The following THEMIS variants were observed in gnomAD, a reference collection of about 807,000 sequenced individuals.
THEMIS encodes protein THEMIS.
Under a neutral mutation model 52.6 loss-of-function variants are expected in THEMIS, and 37 were observed. The ratio of observed to expected loss-of-function variants is 0.70; its 90% CI spans 0.54 to 0.93. The LOEUF (loss-of-function observed/expected upper bound fraction) is 0.93. Ranked by LOEUF, THEMIS falls within the 40% of genes least tolerant of loss-of-function variation. The probability of loss-of-function intolerance (pLI) is 0.00; values close to 1 mark genes in which losing one functional copy is unlikely to be tolerated. For missense variants in THEMIS, 808 were observed against 763.1 expected (o/e 1.06, Z -0.69); for synonymous variants, 292 against 272.7 (o/e 1.07, Z -0.70).
At chr6:127,805,247 T>G (rs993830438) in intron 4 of THEMIS, among the ~76,000 whole-genome samples, 3 of 152,108 alleles carry the variant, frequency 2.0e-5, no homozygotes, top group African/African-American at 7.2e-5. Context: ...GCATTAGAGA[T>G]ATTTTAACCT....
chr6:127,768,150 CTAGA>C (rs1333856692), intron 4 of THEMIS, among the ~76,000 whole-genome samples: 1 of 152,064 alleles, frequency 6.6e-6, no homozygotes, highest in Non-Finnish European at 1.5e-5. Flanking sequence ...ACATCTGAGG[CTAGA>C]TATTTAATAA....
chr6:127,901,905 A>T (rs1781143494), upstream of THEMIS, among the ~76,000 whole-genome samples: 1 of 152,094 alleles, frequency 6.6e-6, no homozygotes, highest in Non-Finnish European at 1.5e-5. Flanking sequence ...AGCAGGAGAA[A>T]ACTCATGAAC....
At chr6:127,742,192 G>A (rs1775224893) in intron 4 of THEMIS, among the ~76,000 whole-genome samples, 1 of 151,790 alleles carries the variant, frequency 6.6e-6, no homozygotes. Context: ...GTGTGTGCCT[G>A]TAGTCCCAGC....
At chr6:127,814,359 A>G (rs1398995822) in intron 3 of THEMIS, among the ~76,000 whole-genome samples, 1 of 152,238 alleles carries the variant, frequency 6.6e-6, no homozygotes, top group East Asian at 1.9e-4. Context: ...AGGTTTATAA[A>G]TTATTAGGTC....
intron 4 of THEMIS, among the ~76,000 whole-genome samples, chr6:127,734,697 C>A (rs954476710): frequency 1.3e-5 from 2 of 151,016 alleles, no homozygotes; most frequent in South Asian, 4.2e-4. Flanking sequence ...GGTGAAACCC[C>A]CTCTCTACTA....
chr6:127,781,829 C>T (rs139151583), intron 4 of THEMIS, among the ~76,000 whole-genome samples: 3,434 of 152,176 alleles, frequency 0.023, 143 homozygotes, highest in African/African-American at 0.079. Context: ...AGGTGTCTGT[C>T]GACCCCTCCC....
chr6:127,769,797 AGT>A (rs904814534), intron 4 of THEMIS, among the ~76,000 whole-genome samples: 27 of 151,570 alleles, frequency 1.8e-4, no homozygotes, highest in African/African-American at 6.0e-4. Flanking sequence ...ACCCCATGAC[AGT>A]GTGTGATGTT....
At chr6:127,887,240 A>C (rs1780674237) in intron 1 of THEMIS, among the ~76,000 whole-genome samples, 1 of 152,138 alleles carries the variant, frequency 6.6e-6, no homozygotes, top group Non-Finnish European at 1.5e-5. Context: ...CATGTGATCA[A>C]AGAGGACAAA....
intron 4 of THEMIS, among the ~76,000 whole-genome samples, chr6:127,787,792 C>T (rs369674262): frequency 7.8e-6 from 1 of 127,718 alleles, no homozygotes; most frequent in Non-Finnish European, 1.7e-5. Flanking sequence ...GTCAGCCTGC[C>T]ACAGTGATAG....
chr6:127,789,461 T>C (rs962860759), intron 4 of THEMIS, among the ~76,000 whole-genome samples: 4 of 152,184 alleles, frequency 2.6e-5, no homozygotes, highest in Admixed American at 6.5e-5. Context: ...GAAGAGCTGG[T>C]ACCATTCTTT....
At chr6:127,722,715 C>G in intron 4 of THEMIS, among the ~76,000 whole-genome samples, 1 of 151,946 alleles carries the variant, frequency 6.6e-6, no homozygotes, top group Non-Finnish European at 1.5e-5. Flanking sequence ...ACCTTACCTC[C>G]TTGCAAAACA....
chr6:127,736,783 C>CT (rs1775020525), intron 4 of THEMIS, among the ~76,000 whole-genome samples: 1 of 144,838 alleles, frequency 6.9e-6, no homozygotes, highest in South Asian at 2.1e-4. Context: ...TCATATTGCC[C>CT]TTTTTGTAAC....
intron 1 of THEMIS, among the ~76,000 whole-genome samples, chr6:127,914,135 G>A (rs1781469734): frequency 6.6e-6 from 1 of 152,046 alleles, no homozygotes; most frequent in Admixed American, 6.6e-5. Context: ...ATAATTTTGT[G>A]CATGAAACAA....
At position 127,719,998 on chromosome 6, in the gene THEMIS, A is replaced by T. The variant is rs536064213; in HGVS notation, c.1759-175T>A. On this transcript the variant is annotated intron_variant, in intron 4 of 5. Coordinates refer to ENST00000368248, the MANE Select transcript of THEMIS (RefSeq NM_001010923.3). ...ATATATTTTGGAAACTGAGGTGTACAATTTTTGAAGCAATCTAAGTAACTA... is the reference window on the plus strand; with the variant it reads ...ATATATTTTGGAAACTGAGGTGTACTATTTTTGAAGCAATCTAAGTAACTA... Among the ~76,000 whole-genome samples, 8 of 152,114 alleles carry T rather than the reference A, an allele frequency of 5.3e-5. No homozygotes were observed. In the South Asian group the frequency reaches 1.4e-3, roughly 28 times the overall value.
At chr6:127,853,998 A>G (rs1315730275) in intron 2 of THEMIS, among the ~76,000 whole-genome samples, 1 of 151,662 alleles carries the variant, frequency 6.6e-6, no homozygotes, top group Non-Finnish European at 1.5e-5. Context: ...ACCATGAAAC[A>G]CATCATATTG....
intron 2 of THEMIS, among the ~76,000 whole-genome samples, chr6:127,850,374 T>C (rs1338327707): frequency 1.3e-5 from 2 of 151,736 alleles, no homozygotes; most frequent in Non-Finnish European, 2.9e-5. Context: ...AATCTGGCAA[T>C]TCCATTACTG....
intron 4 of THEMIS, among the ~76,000 whole-genome samples, chr6:127,728,644 T>C (rs1344091856): frequency 6.6e-6 from 1 of 152,196 alleles, no homozygotes; most frequent in Non-Finnish European, 1.5e-5. Context: ...GGTAAAGGTA[T>C]TGGGGATATG....
chr6:127,724,263 C>T (rs1411355176), intron 4 of THEMIS, among the ~76,000 whole-genome samples: 1 of 152,082 alleles, frequency 6.6e-6, no homozygotes, highest in African/African-American at 2.4e-5. Context: ...CATACAGTAT[C>T]CCATATAGCT....
At chr6:127,723,199 C>T (rs962677158) in intron 4 of THEMIS, among the ~76,000 whole-genome samples, 1 of 152,004 alleles carries the variant, frequency 6.6e-6, no homozygotes, top group Admixed American at 6.6e-5. Flanking sequence ...TCCATCACCC[C>T]TTTGCTCTTT....
Sources: gnomAD v4.1 joint callset for allele counts (sites outside exome capture counted in the v4.1 genomes callset) on GRCh38, gnomAD v4.1.1 for gene constraint, MANE v1.5 for transcripts, NCBI Gene and HGNC (gene_info 2026-07-23, HGNC 2026-07-21) for gene names.